TFCP2: variants seen among roughly 807,000 people sequenced by gnomAD.
The protein encoded by TFCP2 is alpha-globin transcription factor CP2.
TFCP2 carries 33 observed loss-of-function variants against 73.4 expected under a neutral mutation model. That is an observed-to-expected ratio of 0.45 (90% CI 0.34 to 0.60). The LOEUF is 0.60. Among genes scored for constraint, TFCP2 ranks in the 20% least tolerant of loss-of-function variants. The probability of loss-of-function intolerance (pLI) is 0.01; values close to 1 mark genes in which losing one functional copy is unlikely to be tolerated. For missense variants in TFCP2, 352 were observed against 604.0 expected (o/e 0.58, Z 4.37); for synonymous variants, 193 against 211.6 (o/e 0.91, Z 0.76).
At position 51,102,028 on chromosome 12, in the gene TFCP2, G is replaced by A. The variant is rs1279278409; in HGVS notation, c.1061-3C>T. ...AGTTAATTTCAATAAATCTGCCCCT[G>A]GAATAAATATAAGAAAATGGATGAT... On this transcript the variant is annotated splice_region_variant and splice_polypyrimidine_tract_variant and intron_variant, in intron 10 of 14. Coordinates refer to ENST00000257915, the MANE Select transcript of TFCP2 (RefSeq NM_005653.5). The A allele has an allele frequency of 1.3e-6, 2 of 1,593,260 alleles. No individual in the cohort carries two copies. The highest frequency in any genetic ancestry group is 1.7e-6 in the Non-Finnish European group (2 of 1,162,212).
chr12:51,147,557 G>T (rs929261712), intron 1 of TFCP2, among the ~76,000 whole-genome samples: 2 of 151,984 alleles, frequency 1.3e-5, no homozygotes, highest in African/African-American at 4.8e-5. Context: ...AGGTGACAAA[G>T]TAGAGGGAAG....
chr12:51,129,092 G>C (rs2136999839), intron 1 of TFCP2, among the ~76,000 whole-genome samples: 1 of 152,222 alleles, frequency 6.6e-6, no homozygotes, highest in East Asian at 1.9e-4. Context: ...TGTTACAGCT[G>C]CCAAAATCAC....
At chr12:51,170,570 C>CA (rs1181024004) in intron 1 of TFCP2, among the ~76,000 whole-genome samples, 1 of 152,046 alleles carries the variant, frequency 6.6e-6, no homozygotes, top group East Asian at 1.9e-4. Context: ...AGAGATCCTC[C>CA]AGTCTCCACC....
chr12:51,170,145 T>C (rs1941830842), intron 1 of TFCP2, among the ~76,000 whole-genome samples: 2 of 152,158 alleles, frequency 1.3e-5, no homozygotes, highest in South Asian at 4.1e-4. Flanking sequence ...GTCAGGGCAC[T>C]TACTTTCAGA....
At chr12:51,118,961 C>T (rs1419784340) in intron 1 of TFCP2, among the ~76,000 whole-genome samples, 189 bp from the exon 2 acceptor site, 1 of 152,176 alleles carries the variant, frequency 6.6e-6, no homozygotes, top group Non-Finnish European at 1.5e-5. Context: ...TGGGTGATGA[C>T]AGATATTCAC....
chr12:51,151,653 C>G (rs897791048), intron 1 of TFCP2, among the ~76,000 whole-genome samples: 37 of 152,156 alleles, frequency 2.4e-4, no homozygotes, highest in Non-Finnish European at 3.1e-4. Flanking sequence ...AGCCAGGATG[C>G]TCTCGATCTC....
intron 1 of TFCP2, among the ~76,000 whole-genome samples, chr12:51,147,311 C>G (rs1023307656): frequency 6.6e-6 from 1 of 151,866 alleles, no homozygotes; most frequent in Non-Finnish European, 1.5e-5. Context: ...CCACTGCACT[C>G]CAGCCTCAGC....
chr12:51,104,069 T>C, intron 9 of TFCP2, 86 bp downstream of exon 9: 3 of 1,310,088 alleles, frequency 2.3e-6, no homozygotes, highest in Non-Finnish European at 3.3e-6. Context: ...TAATACTCCC[T>C]AAAAGTTGGG....
intron 1 of TFCP2, among the ~76,000 whole-genome samples, chr12:51,132,639 G>C (rs1940974891): frequency 6.6e-6 from 1 of 151,996 alleles, no homozygotes; most frequent in Non-Finnish European, 1.5e-5. Context: ...AAAGAGCTGG[G>C]ATTACAGGCA....
In TFCP2 at chr12:51,098,639, T is replaced by TAGGAG. The variant is rs1592786266; in HGVS notation, c.1419+132_1419+136dup. 10 of 1,004,258 alleles carry TAGGAG rather than the reference T, an allele frequency of 1.0e-5. 1 individual carries two copies. The East Asian group carries it at 2.7e-4, about 27-fold the overall frequency. 62.2% of individuals were successfully genotyped at this position (1,004,258 alleles called of 1,614,324 possible). A position where few individuals can be genotyped will look rare whatever the true frequency, so the allele number is the denominator to read the frequency against. On this transcript the variant is annotated intron_variant, in intron 13 of 14. Coordinates refer to ENST00000257915, the MANE Select transcript of TFCP2 (RefSeq NM_005653.5). ...AGACTGTTTCAAAAAAAAAAAAAATTAGGAGGAAAGCAAGCAAAAAAGTAT... is the reference window on the plus strand; with the variant it reads ...AGACTGTTTCAAAAAAAAAAAAAATTAGGAGAGGAGGAAAGCAAGCAAAAAAGTAT...
chr12:51,120,842 C>T (rs552196170), intron 1 of TFCP2, among the ~76,000 whole-genome samples: 50 of 138,968 alleles, frequency 3.6e-4, no homozygotes, highest in Non-Finnish European at 6.9e-4. Context: ...GGCTGAGGCA[C>T]GAGAATCACT....
At chr12:51,117,460 T>G (rs7953765) in intron 3 of TFCP2, among the ~76,000 whole-genome samples, 9,321 of 152,256 alleles carry the variant, frequency 0.061, 533 homozygotes, top group East Asian at 0.18. Flanking sequence ...GTTCTATTTC[T>G]GCAGCTCTGA....
At chr12:51,140,241 A>C (rs1000726582) in intron 1 of TFCP2, among the ~76,000 whole-genome samples, 1 of 151,948 alleles carries the variant, frequency 6.6e-6, no homozygotes, top group Non-Finnish European at 1.5e-5. Flanking sequence ...GATAGTATTG[A>C]TTAACTATGA....
At chr12:51,101,874 TC>T in intron 11 of TFCP2, 60 bp downstream of exon 11, 1 of 1,079,274 alleles carries the variant, frequency 9.3e-7, no homozygotes, top group Non-Finnish European at 1.4e-6. Flanking sequence ...TGTGAAGAAT[TC>T]CTGAATCCAA....
Position 51,145,610 on chromosome 12 carries a change from A to ACTC in TFCP2, c.122+26688_122+26690dup, listed in dbSNP as rs1227253293. 2.7e-5 allele frequency among the ~76,000 whole-genome samples: 4 copies of ACTC among 148,928 alleles called. No individual in the cohort carries two copies. The East Asian group carries it at 7.9e-4, about 29-fold the overall frequency. On this transcript the variant is annotated intron_variant, in intron 1 of 14. Transcript: ENST00000257915. Reference sequence around the variant, plus strand: ...AAAAAAAAAGATTTTCTTAGACAAGACTCAAAAATCATATACCATAAAAGA... The same window carrying ACTC: ...AAAAAAAAAGATTTTCTTAGACAAGACTCCTCAAAAATCATATACCATAAAAGA...
At chr12:51,142,040 T>C (rs1488484067) in intron 1 of TFCP2, among the ~76,000 whole-genome samples, 3 of 150,856 alleles carry the variant, frequency 2.0e-5, no homozygotes, top group South Asian at 4.2e-4. Flanking sequence ...CCGTCTCTAC[T>C]AAAAATACAA....
Position 51,172,444 on chromosome 12 carries a change from G to A in TFCP2, c.-22C>T, listed in dbSNP as rs1414924512. 1 of 1,613,682 alleles carries A rather than the reference G, an allele frequency of 6.2e-7. No individual in the cohort carries two copies. On this transcript the variant is annotated 5_prime_UTR_variant, in exon 1 of 15. Coordinates refer to ENST00000257915, the MANE Select transcript of TFCP2 (RefSeq NM_005653.5). ...CCATCCTGGCTCCTTCCTTGCCCCA[G>A]GAGACACCGTGTCTTGTACAAAGGC...
intron 8 of TFCP2, among the ~76,000 whole-genome samples, chr12:51,105,841 C>T (rs1445274125): frequency 6.6e-6 from 1 of 152,186 alleles, no homozygotes; most frequent in Non-Finnish European, 1.5e-5. Flanking sequence ...AAACAATATA[C>T]TCGCACATTT....
intron 1 of TFCP2, chr12:51,125,322 CAT>C: frequency 1.9e-6 from 1 of 526,076 alleles, no homozygotes; most frequent in East Asian, 4.8e-5. Context: ...CCAACATCCA[CAT>C]TATATAAGGC....
Sources: gnomAD v4.1 joint callset for allele counts (sites outside exome capture counted in the v4.1 genomes callset) on GRCh38, gnomAD v4.1.1 for gene constraint, MANE v1.5 for transcripts, NCBI Gene and HGNC (gene_info 2026-07-23, HGNC 2026-07-21) for gene names.